The following CSMD1 variants were observed in gnomAD, a reference collection of about 807,000 sequenced individuals.
The protein encoded by CSMD1 is CUB and Sushi multiple domains 1, also known as CUB and sushi domain-containing protein 1.
Under a neutral mutation model 417.5 loss-of-function variants are expected in CSMD1, and 213 were observed. The ratio of observed to expected loss-of-function variants is 0.51; its 90% confidence interval spans 0.46 to 0.57. The LOEUF is 0.57. CSMD1 is among the 20% of genes least tolerant of loss of function. The pLI, the probability that CSMD1 is intolerant of heterozygous loss-of-function variation, is 0.00. For synonymous variants in CSMD1, 2,862 were observed against 1,736.8 expected (o/e 1.65, Z -16.11); for missense variants, 6,923 against 4,529.7 (o/e 1.53, Z -15.17).
At chr8:3,771,245 C>T (rs906076029) in intron 5 of CSMD1, among the ~76,000 whole-genome samples, 13 of 152,064 alleles carry the variant, frequency 8.5e-5, no homozygotes, top group East Asian at 1.9e-4. Context: ...TGTTTGGCTC[C>T]GTGAGCCACT....
At chr8:3,300,984 GAA>G (rs1451994930) in intron 25 of CSMD1, among the ~76,000 whole-genome samples, 1,477 of 123,000 alleles carry the variant, frequency 0.012, 30 homozygotes, top group East Asian at 0.059. Context: ...AAAAAAAAGA[GAA>G]AGAAAAATTA....
intron 4 of CSMD1, among the ~76,000 whole-genome samples, chr8:3,998,751 A>T (rs1169024283): frequency 3.3e-5 from 5 of 152,004 alleles, no homozygotes; most frequent in African/African-American, 1.2e-4. Context: ...CTAACAATTA[A>T]AAAATTATTG....
chr8:2,943,288 A>T (rs906154290), intron 68 of CSMD1, among the ~76,000 whole-genome samples: 2 of 149,988 alleles, frequency 1.3e-5, no homozygotes, highest in African/African-American at 4.9e-5. Context: ...AGTGCAGTGG[A>T]GTGATCTCAG....
At chr8:3,922,522 T>C (rs1475017681) in intron 5 of CSMD1, among the ~76,000 whole-genome samples, 1 of 152,138 alleles carries the variant, frequency 6.6e-6, no homozygotes, top group African/African-American at 2.4e-5. Context: ...GATTCTTTTC[T>C]ATTTATTTTT....
intron 3 of CSMD1, among the ~76,000 whole-genome samples, chr8:4,190,134 C>T (rs914815053): frequency 2.0e-5 from 3 of 151,462 alleles, no homozygotes; most frequent in Non-Finnish European, 4.4e-5. Context: ...TGGCAGGTGC[C>T]TGTGGTCCCA....
intron 5 of CSMD1, among the ~76,000 whole-genome samples, chr8:3,958,482 T>C (rs925334843): frequency 1.3e-5 from 2 of 152,170 alleles, no homozygotes; most frequent in Admixed American, 6.5e-5. Flanking sequence ...ATAATTGAAA[T>C]TGTTCCTGCT....
intron 3 of CSMD1, among the ~76,000 whole-genome samples, chr8:4,058,630 G>A (rs887842278): frequency 6.7e-6 from 1 of 150,332 alleles, no homozygotes; most frequent in Non-Finnish European, 1.5e-5. Context: ...AAAAAAGGCA[G>A]GGGTTGCAAT....
chr8:3,111,170 G>T (rs183218618), intron 42 of CSMD1, among the ~76,000 whole-genome samples: 1 of 152,162 alleles, frequency 6.6e-6, no homozygotes, highest in African/African-American at 2.4e-5. Context: ...GCCACAAATG[G>T]TATAGAATTC....
intron 1 of CSMD1, among the ~76,000 whole-genome samples, chr8:4,778,688 C>A (rs1452241644): frequency 1.3e-5 from 2 of 152,164 alleles, no homozygotes; most frequent in Non-Finnish European, 2.9e-5. Context: ...GTAGCACTGT[C>A]CAATCAGAAA....
chr8:3,248,045 C>T (rs1210369200), intron 26 of CSMD1, among the ~76,000 whole-genome samples: 1 of 152,106 alleles, frequency 6.6e-6, no homozygotes, highest in Non-Finnish European at 1.5e-5. Flanking sequence ...TGAACAACAC[C>T]GGCTGTGCAA....
chr8:4,287,143 T>C (rs1163462492), intron 3 of CSMD1, among the ~76,000 whole-genome samples: 3 of 152,230 alleles, frequency 2.0e-5, no homozygotes, highest in African/African-American at 4.8e-5. Context: ...TCTGTTAATG[T>C]GGAACTATGT....
chr8:4,415,371 C>G (rs934210938), intron 3 of CSMD1, among the ~76,000 whole-genome samples: 1 of 152,178 alleles, frequency 6.6e-6, no homozygotes, highest in East Asian at 1.9e-4. Flanking sequence ...CTTCTGTTGT[C>G]TCTCTTCCTT....
intron 3 of CSMD1, among the ~76,000 whole-genome samples, chr8:4,413,201 G>A (rs1796743393): frequency 6.6e-6 from 1 of 152,142 alleles, no homozygotes; most frequent in Non-Finnish European, 1.5e-5. Flanking sequence ...ATCCCAGGGA[G>A]GGTTGCTCAG....
At chr8:3,477,257 G>C (rs78737412) in intron 11 of CSMD1, among the ~76,000 whole-genome samples, 1 of 152,064 alleles carries the variant, frequency 6.6e-6, no homozygotes, top group African/African-American at 2.4e-5. Flanking sequence ...AAAAAAGGGG[G>C]AGATGTGCTA....
intron 3 of CSMD1, among the ~76,000 whole-genome samples, chr8:4,274,291 G>C (rs746815203): frequency 6.6e-6 from 1 of 152,056 alleles, no homozygotes; most frequent in Non-Finnish European, 1.5e-5. Flanking sequence ...GGCTTATAAC[G>C]TGAAGTATCA....
At chr8:4,761,801 C>A (rs1057145942) in intron 1 of CSMD1, among the ~76,000 whole-genome samples, 3 of 151,882 alleles carry the variant, frequency 2.0e-5, no homozygotes, top group East Asian at 1.9e-4. Flanking sequence ...TGTGAATAAA[C>A]CTGGTAGTAA....
intron 51 of CSMD1, among the ~76,000 whole-genome samples, chr8:3,026,363 G>GA: frequency 6.6e-6 from 1 of 152,086 alleles, no homozygotes; most frequent in Non-Finnish European, 1.5e-5. Context: ...GAGCCCACTG[G>GA]GCCTCACTGG....
chr8:3,457,503 G>T (rs1009496575), intron 12 of CSMD1, among the ~76,000 whole-genome samples: 1 of 152,216 alleles, frequency 6.6e-6, no homozygotes, highest in South Asian at 2.1e-4. Flanking sequence ...CATTGGAGCT[G>T]AGTCATCAAA....
intron 2 of CSMD1, among the ~76,000 whole-genome samples, chr8:4,523,432 A>G (rs1157847337): frequency 6.6e-6 from 1 of 152,164 alleles, no homozygotes; most frequent in Non-Finnish European, 1.5e-5. Flanking sequence ...ACACTGGTTC[A>G]GAAGGTGTAA....
Sources: allele counts gnomAD v4.1 joint callset (sites outside exome capture counted in the v4.1 genomes callset), GRCh38; gene constraint gnomAD v4.1.1; transcripts MANE v1.5; gene names NCBI Gene and HGNC (gene_info 2026-07-23, HGNC 2026-07-21).